RB1: variants seen among roughly 807,000 people sequenced by gnomAD.
The protein encoded by RB1 is RB transcriptional corepressor 1.
Under a neutral mutation model 135.4 loss-of-function variants are expected in RB1, and 18 were observed. The ratio of observed to expected loss-of-function variants is 0.13; its 90% confidence interval spans 0.09 to 0.20. The LOEUF is 0.20. Ranked by LOEUF, RB1 falls within the 10% of genes least tolerant of loss-of-function variation. The pLI, the probability that RB1 is intolerant of heterozygous loss-of-function variation, is 1.00. For missense variants in RB1, 868 were observed against 1,110.0 expected, an observed-to-expected ratio of 0.78 and a Z score of 3.10; for synonymous variants, 365 against 373.2, an observed-to-expected ratio of 0.98 and a Z score of 0.25.
chr13:48,451,651 A>T (rs1309302117), intron 17 of RB1, among the ~76,000 whole-genome samples: 1 of 151,734 alleles, frequency 6.6e-6, no homozygotes, highest in Non-Finnish European at 1.5e-5. Flanking sequence ...GTTAGGGAGG[A>T]GTCCCTTCCT....
chr13:48,342,983 TG>T (rs1952461146), intron 3 of RB1, among the ~76,000 whole-genome samples: 2 of 152,144 alleles, frequency 1.3e-5, no homozygotes, highest in South Asian at 4.1e-4. Context: ...TAATTGTGGC[TG>T]TTAATAAAGT....
At chr13:48,361,126 T>TCTCCCAAATTTTATAAATTTC (rs1208187110) in intron 7 of RB1, among the ~76,000 whole-genome samples, 4 of 152,118 alleles carry the variant, frequency 2.6e-5, no homozygotes, top group African/African-American at 9.7e-5. Flanking sequence ...CTTCAAATTT[T>TCTCCCAAATTTTATAAATTTC]CTCCCAAATT....
intron 19 of RB1, among the ~76,000 whole-genome samples, chr13:48,457,357 T>A (rs780392223): frequency 1.1e-4 from 17 of 152,172 alleles, no homozygotes; most frequent in Non-Finnish European, 5.9e-5. Context: ...AGAGGGTAGT[T>A]CCTCTCTGCA....
At chr13:48,435,502 TCTCTTGGC>T (rs1566225922) in intron 17 of RB1, among the ~76,000 whole-genome samples, 1 of 152,192 alleles carries the variant, frequency 6.6e-6, no homozygotes, top group Non-Finnish European at 1.5e-5. Context: ...GCAAATATTT[TCTCTTGGC>T]CTGTAGCTTC....
At chr13:48,423,815 C>T (rs1180328846) in intron 17 of RB1, among the ~76,000 whole-genome samples, 4 of 152,172 alleles carry the variant, frequency 2.6e-5, no homozygotes. Flanking sequence ...GAGGCTGAGA[C>T]AAGAGGATCA....
At chr13:48,337,191 A>G (rs1478046041) in intron 2 of RB1, among the ~76,000 whole-genome samples, 3 of 152,216 alleles carry the variant, frequency 2.0e-5, no homozygotes, top group Admixed American at 1.3e-4. Context: ...GATGTCTATT[A>G]GGTCCGCTTG....
chr13:48,330,162 G>A (rs1413918557), intron 2 of RB1, among the ~76,000 whole-genome samples: 14 of 151,876 alleles, frequency 9.2e-5, no homozygotes, highest in Admixed American at 9.2e-4. Flanking sequence ...CAAGATTTGT[G>A]GAATGCAGCA....
intron 2 of RB1, among the ~76,000 whole-genome samples, chr13:48,339,080 C>G (rs940133517): frequency 6.6e-6 from 1 of 152,150 alleles, no homozygotes; most frequent in African/African-American, 2.4e-5. Context: ...TTAGTCTGCC[C>G]CTAGTGGGGT....
At chr13:48,373,310 A>G in intron 11 of RB1, 95 bp from the exon 12 acceptor site, 1 of 783,034 alleles carries the variant, frequency 1.3e-6, no homozygotes, top group East Asian at 2.5e-5. Context: ...AGTGTATTTG[A>G]AGATACATTT....
chr13:48,350,653 G>A lies in RB1; in HGVS notation c.607+1630G>A, dbSNP rs565392533. On this transcript the variant is annotated intron_variant, in intron 6 of 26. Transcript: ENST00000267163. ...AGGTAAACTTGTGTCACAGGGGTTT[G>A]TTGTACAGCTTACTTCATCACCCAG... 5.3e-5 allele frequency among the ~76,000 whole-genome samples: 8 copies of A among 152,254 alleles called. No homozygotes were observed. The East Asian group carries it at 1.2e-3, about 22-fold the overall frequency.
intron 3 of RB1, among the ~76,000 whole-genome samples, 191 bp downstream of exon 3, chr13:48,342,905 A>T (rs1341163091): frequency 6.6e-6 from 1 of 152,226 alleles, no homozygotes; most frequent in South Asian, 2.1e-4. Flanking sequence ...GTATTTCTTT[A>T]AGAGGTAGCA....
At chr13:48,321,366 C>T (rs1162375926) in intron 2 of RB1, among the ~76,000 whole-genome samples, 17 of 990 alleles carry the variant, frequency 0.017, no homozygotes. Context: ...GGAGGAGGGG[C>T]AAGGGCCCTC....
At chr13:48,389,175 A>T (rs12427849) in intron 17 of RB1, among the ~76,000 whole-genome samples, 4,714 of 151,704 alleles carry the variant, frequency 0.031, 111 homozygotes, top group African/African-American at 0.051. Context: ...AAAATAAAAT[A>T]AAATTAAATT....
intron 23 of RB1, among the ~76,000 whole-genome samples, chr13:48,471,474 TG>T (rs1949468989): frequency 1.6e-5 from 2 of 121,750 alleles, no homozygotes; most frequent in Non-Finnish European, 3.4e-5. Context: ...GACACGTTAG[TG>T]GGTGCAGCAC....
chr13:48,317,790 C>G (rs1265964426), intron 2 of RB1: 4 of 368,106 alleles, frequency 1.1e-5, no homozygotes, highest in Non-Finnish European at 2.0e-5. Flanking sequence ...GCCCTTCTGC[C>G]GGCTGTGGGA....
rs781153693 is a variant in RB1, at chr13:48,373,589, CCTAT to C, written c.1215+101_1215+104del. On this transcript the variant is annotated intron_variant, in intron 12 of 26. Coordinates refer to ENST00000267163, the MANE Select transcript of RB1 (RefSeq NM_000321.3). Reference sequence around the variant, plus strand: ...TGAGTTCTTTTTAAAATACTAATCTCCTATCTAACATGTAGTTATCCATAATCTT... The same window carrying C: ...TGAGTTCTTTTTAAAATACTAATCTCCTAACATGTAGTTATCCATAATCTT... 12 of 762,960 alleles carry C rather than the reference CCTAT, an allele frequency of 1.6e-5. No homozygotes were observed. The East Asian group carries it at 2.0e-4, about 13-fold the overall frequency. The allele number at this position is 762,960 out of a possible 1,614,324, so 47.3% of individuals were successfully genotyped here.
intron 17 of RB1, chr13:48,411,834 A>G: frequency 1.2e-6 from 2 of 1,613,118 alleles, no homozygotes; most frequent in Non-Finnish European, 8.5e-7. Flanking sequence ...ATTTAAAATT[A>G]GAGGAATAAA....
rs1952050835 is a variant in RB1, at chr13:48,303,896, C to T, written c.-17C>T. 1 of 1,514,354 alleles carries T rather than the reference C, an allele frequency of 6.6e-7. No homozygotes were observed. The highest frequency in any genetic ancestry group is 8.8e-7 in the Non-Finnish European group (1 of 1,138,518). 93.8% of individuals were successfully genotyped at this position (1,514,354 alleles called of 1,614,324 possible). A position where few individuals can be genotyped will look rare whatever the true frequency, so the allele number is the denominator to read the frequency against. On this transcript the variant is annotated 5_prime_UTR_variant, in exon 1 of 27. Transcript: ENST00000267163. The stretch of plus-strand genomic sequence containing the variant: ...CGCTCCTCCACAGCTCGCTGGCTCC[C>T]GCCGCGGAAAGGCGTCATGCCGCCC...
At chr13:48,458,651 G>T (rs73495037) in intron 19 of RB1, among the ~76,000 whole-genome samples, 3,102 of 152,206 alleles carry the variant, frequency 0.02, 90 homozygotes, top group African/African-American at 0.066. Flanking sequence ...TAAGTCTGAT[G>T]TATGCTAAAG....
Sources: allele counts gnomAD v4.1 joint callset (sites outside exome capture counted in the v4.1 genomes callset), GRCh38; gene constraint gnomAD v4.1.1; transcripts MANE v1.5; gene names NCBI Gene and HGNC (gene_info 2026-07-23, HGNC 2026-07-21).